Variants in GLCCI1 observed in about 807,000 individuals in gnomAD.
GLCCI1 encodes the protein glucocorticoid-induced transcript 1 protein.
Under a neutral mutation model 52.2 loss-of-function variants are expected in GLCCI1, and 24 were observed. That is an observed-to-expected ratio of 0.46 (90% confidence interval 0.33 to 0.65). The LOEUF (loss-of-function observed/expected upper bound fraction) is 0.65, where lower values mean the gene tolerates loss of function less well. Ranked by LOEUF, GLCCI1 falls within the 30% of genes least tolerant of loss-of-function variation. The pLI is 0.02. For missense variants in GLCCI1, 704 were observed against 701.5 expected (o/e 1.00, Z -0.04); for synonymous variants, 310 against 276.5 (o/e 1.12, Z -1.20).
At chr7:7,983,515 T>C (rs1780663840) in intron 1 of GLCCI1, among the ~76,000 whole-genome samples, 1 of 152,216 alleles carries the variant, frequency 6.6e-6, no homozygotes, top group Non-Finnish European at 1.5e-5. Context: ...TTTTGGTGGA[T>C]ATCTGTGCTT....
intron 5 of GLCCI1, among the ~76,000 whole-genome samples, chr7:8,068,867 T>C (rs577259160): frequency 6.6e-6 from 1 of 152,330 alleles, no homozygotes; most frequent in East Asian, 1.9e-4. Flanking sequence ...AGCTGACTTA[T>C]TGTCCTTAGT....
At chr7:8,007,921 G>C (rs1235227773) in intron 2 of GLCCI1, among the ~76,000 whole-genome samples, 4 of 151,974 alleles carry the variant, frequency 2.6e-5, no homozygotes, top group Non-Finnish European at 5.9e-5. Flanking sequence ...CCCACTGAGG[G>C]AACTTTCTGG....
chr7:8,088,220 T>A lies in GLCCI1; in HGVS notation c.*1682T>A, dbSNP rs1469133031. The A allele has an allele frequency of 7.2e-6, 1 of 138,448 alleles. No individual in the cohort carries two copies. The highest frequency in any genetic ancestry group is 7.6e-5 in the Admixed American group (1 of 13,242). The allele number at this position is 138,448 out of a possible 1,614,324, so 8.6% of individuals were successfully genotyped here. On this transcript the variant is annotated 3_prime_UTR_variant, in exon 8 of 8. Transcript: ENST00000223145. ...ACCATTGATTTTTTTTTTTAAGAAA[T>A]GATATATATATGTATATGTTTGTGT...
chr7:8,023,461 C>T (rs953891666), intron 3 of GLCCI1, among the ~76,000 whole-genome samples: 2 of 151,786 alleles, frequency 1.3e-5, no homozygotes, highest in Non-Finnish European at 2.9e-5. Context: ...TTTCCTGATA[C>T]TTTTATCCAT....
chr7:8,057,245 C>A (rs532412150), intron 4 of GLCCI1, among the ~76,000 whole-genome samples: 2 of 151,622 alleles, frequency 1.3e-5, no homozygotes, highest in Admixed American at 6.6e-5. Context: ...AACACTTGTA[C>A]ATGAATCTTC....
intron 3 of GLCCI1, among the ~76,000 whole-genome samples, chr7:8,037,582 A>C (rs926602923): frequency 2.1e-4 from 32 of 152,234 alleles, no homozygotes; most frequent in African/African-American, 7.5e-4. Flanking sequence ...TAAATGCTCC[A>C]CTTAAAAGAT....
chr7:8,059,671 G>A (rs774751067), intron 4 of GLCCI1, among the ~76,000 whole-genome samples: 1 of 152,116 alleles, frequency 6.6e-6, no homozygotes, highest in Admixed American at 6.5e-5. Context: ...ATACTAGAAC[G>A]TAATTGTCAC....
At chr7:8,039,916 G>T (rs1484575505) in intron 3 of GLCCI1, among the ~76,000 whole-genome samples, 5 of 150,726 alleles carry the variant, frequency 3.3e-5, no homozygotes, top group Non-Finnish European at 5.9e-5. Context: ...AGAACCACTT[G>T]CACCCAGGAG....
chr7:7,976,495 AAAAGGAAAGG>A (rs1780473271), intron 1 of GLCCI1, among the ~76,000 whole-genome samples: 4 of 143,484 alleles, frequency 2.8e-5, no homozygotes, highest in African/African-American at 5.4e-5. Context: ...AAAAAAAAAA[AAAAGGAAAGG>A]AAAAAGGAAA....
At position 8,084,896 on chromosome 7, in the gene GLCCI1, G is replaced by C; in HGVS notation, c.1178-1G>C. The C allele has an allele frequency of 6.2e-7, 1 of 1,612,562 alleles. No individual in the cohort carries two copies. The highest frequency in any genetic ancestry group is 8.5e-7 in the Non-Finnish European group (1 of 1,179,590). On this transcript the variant is annotated splice_acceptor_variant, in intron 6 of 7. Coordinates refer to ENST00000223145, the MANE Select transcript of GLCCI1 (RefSeq NM_138426.4). LOFTEE classifies it high-confidence loss of function. ...TTAATATAACTGCTTTAAATTTACA[G>C]ACAGTGGGAGTAGCTCACCGTTACC...
chr7:8,045,703 T>C (rs1782107292), intron 3 of GLCCI1, among the ~76,000 whole-genome samples: 1 of 152,182 alleles, frequency 6.6e-6, no homozygotes, highest in African/African-American at 2.4e-5. Flanking sequence ...TATGTAGATG[T>C]GGCACCTGAA....
intron 3 of GLCCI1, among the ~76,000 whole-genome samples, chr7:8,028,092 G>A (rs1186419480): frequency 6.6e-6 from 1 of 152,166 alleles, no homozygotes; most frequent in South Asian, 2.1e-4. Context: ...GGCTTAATCT[G>A]CACTGTAGAA....
chr7:7,976,208 G>A (rs1057484387), intron 1 of GLCCI1, among the ~76,000 whole-genome samples: 12 of 152,176 alleles, frequency 7.9e-5, no homozygotes, highest in Non-Finnish European at 1.8e-4. Context: ...GCTGGGCGCA[G>A]TGGCTCATGC....
chr7:7,969,488 C>T lies in GLCCI1; in HGVS notation c.138C>T (p.Gly46=), dbSNP rs1236190732. Residue 46 remains glycine (G), a synonymous_variant, in exon 1 of 8, where the codon GGC becomes GGT. Transcript: ENST00000223145. The surrounding 1 kb of genome is among the most constrained non-coding windows in gnomAD (Gnocchi z 4.9). ...AAGSGNGAGG[G]GGVGCAPAAG... ...GGAGCGGGAACGGTGCGGGCGGCGGCGGCGGCGTGGGCTGCGCCCCGGCTG... is the reference window on the plus strand; with the variant it reads ...GGAGCGGGAACGGTGCGGGCGGCGGTGGCGGCGTGGGCTGCGCCCCGGCTG... 9.8e-7 allele frequency: 1 copy of T among 1,024,488 alleles called. No individual in the cohort carries two copies. The highest frequency in any genetic ancestry group is 1.2e-6 in the Non-Finnish European group (1 of 858,076). 63.5% of individuals were successfully genotyped at this position (1,024,488 alleles called of 1,614,324 possible).
chr7:7,982,102 G>A (rs1391106380), intron 1 of GLCCI1: 4 of 447,432 alleles, frequency 8.9e-6, no homozygotes, highest in African/African-American at 2.1e-5. Context: ...CGCAAGAGAG[G>A]AATGGCCATT....
At chr7:8,012,890 A>C (rs563898655) in intron 2 of GLCCI1, among the ~76,000 whole-genome samples, 17 of 152,088 alleles carry the variant, frequency 1.1e-4, no homozygotes, top group East Asian at 9.6e-4. Context: ...CTTTCTTCTT[A>C]TTTTCTTCTA....
intron 3 of GLCCI1, among the ~76,000 whole-genome samples, chr7:8,031,884 A>G (rs886465193): frequency 1.3e-5 from 2 of 152,072 alleles, no homozygotes; most frequent in African/African-American, 4.8e-5. Context: ...AGGTTAGTGC[A>G]AAAGGAACTT....
In GLCCI1 at chr7:8,087,503, G is replaced by A. The variant is rs1278976707; in HGVS notation, c.*965G>A. On this transcript the variant is annotated 3_prime_UTR_variant, in exon 8 of 8. Coordinates refer to ENST00000223145, the MANE Select transcript of GLCCI1 (RefSeq NM_138426.4). ...GTCTAGAGTTAATTTCAAAATAAGTGAAGTGTTTGACGGAATGGTTGAGAT... is the reference window on the plus strand; with the variant it reads ...GTCTAGAGTTAATTTCAAAATAAGTAAAGTGTTTGACGGAATGGTTGAGAT... 6.6e-6 allele frequency: 1 copy of A among 152,612 alleles called. No homozygotes were observed. Among genetic ancestry groups the A allele is most frequent in the Non-Finnish European group, 1.5e-5 (1 of 68,022 alleles). The allele number at this position is 152,612 out of a possible 1,614,324, so 9.5% of individuals were successfully genotyped here. A position where few individuals can be genotyped will look rare whatever the true frequency, so the allele number is the denominator to read the frequency against.
intron 3 of GLCCI1, among the ~76,000 whole-genome samples, chr7:8,044,932 A>C (rs1782088473): frequency 6.6e-6 from 1 of 152,198 alleles, no homozygotes; most frequent in African/African-American, 2.4e-5. Flanking sequence ...GTAAGTCCTC[A>C]CTTAATGTTG....
Sources: gnomAD v4.1 joint callset for allele counts (sites outside exome capture counted in the v4.1 genomes callset) on GRCh38, gnomAD v4.1.1 for gene constraint, Gnocchi (gnomAD v3.1) non-coding constraint, MANE v1.5 for transcripts, NCBI Gene and HGNC (gene_info 2026-07-23, HGNC 2026-07-21) for gene names.